Variants in RFX7 observed in about 807,000 individuals in gnomAD.
The protein encoded by RFX7 is DNA-binding protein RFX7.
Under a neutral mutation model 111.8 loss-of-function variants are expected in RFX7, and 26 were observed. The ratio of observed to expected loss-of-function variants is 0.23; its 90% confidence interval spans 0.17 to 0.32. RFX7 has a LOEUF of 0.32. RFX7 is among the 10% of genes least tolerant of loss of function. The probability of loss-of-function intolerance (pLI) is 1.00; values close to 1 mark genes in which losing one functional copy is unlikely to be tolerated. For synonymous variants in RFX7, 624 were observed against 624.4 expected (o/e 1.00, Z 0.01); for missense variants, 1,573 against 1,772.9 (o/e 0.89, Z 2.02).
At chr15:56,173,824 T>A (rs1372636717) in intron 3 of RFX7, among the ~76,000 whole-genome samples, 1 of 150,852 alleles carries the variant, frequency 6.6e-6, no homozygotes, top group Non-Finnish European at 1.5e-5. Context: ...ATGATAGAGA[T>A]AATACAATTA....
intron 2 of RFX7, among the ~76,000 whole-genome samples, chr15:56,207,535 T>G (rs1413920518): frequency 6.6e-6 from 1 of 152,144 alleles, no homozygotes; most frequent in Non-Finnish European, 1.5e-5. Flanking sequence ...GATCACAGAC[T>G]TAAATGTAAA....
At chr15:56,216,852 T>G (rs2043367336) in intron 2 of RFX7, among the ~76,000 whole-genome samples, 1 of 151,578 alleles carries the variant, frequency 6.6e-6, no homozygotes. Context: ...AGATAGGGTC[T>G]CGCTATGTTG....
intron 2 of RFX7, among the ~76,000 whole-genome samples, chr15:56,224,506 T>G (rs1297824265): frequency 1.3e-5 from 2 of 151,386 alleles, no homozygotes; most frequent in African/African-American, 4.9e-5. Flanking sequence ...CAGTTCTCTG[T>G]GTAAAACTGT....
In RFX7 at chr15:56,096,508, T is replaced by C; in HGVS notation, c.1220A>G (p.Gln407Arg). ...AACGTTCTGGGGAGTCTTTGGTGCC[T>C]GTTTCACAGACTGCATGTGCTGAGT... is the stretch of plus-strand genomic sequence containing the variant. ...VVTQHMQSVK[Q>R]APKTPQNVPA... The change falls in exon 10 of 10, where the codon CAG becomes CGG. Residue 407 changes from glutamine (Q) to arginine (R), a missense_variant. Physicochemically the swap from Gln to Arg is conservative, Grantham distance 43 (BLOSUM62 1). Around this residue, in one of 7 missense-constraint regions of RFX7, gnomAD observed 288 missense variants for 337.9 expected, o/e 0.85. Coordinates refer to ENST00000559447, the MANE Select transcript of RFX7 (RefSeq NM_022841.7). The C allele has an allele frequency of 6.2e-7, 1 of 1,604,108 alleles. No individual in the cohort carries two copies.
intron 5 of RFX7, among the ~76,000 whole-genome samples, chr15:56,139,379 C>A (rs2042354425): frequency 1.3e-5 from 2 of 152,198 alleles, no homozygotes; most frequent in Admixed American, 1.3e-4. Flanking sequence ...TCATCCATCG[C>A]TGATACTCTT....
In RFX7 at chr15:56,154,791, TA is replaced by T. The variant is rs1254950286; in HGVS notation, c.196-10309del. On this transcript the variant is annotated intron_variant, in intron 3 of 9. Transcript: ENST00000559447. ...CCAGAATTGACAAGTGAGATATAAT[TA>T]AAACTAAAGAGCTTCTGCACAGCAA... 6.7e-4 allele frequency among the ~76,000 whole-genome samples: 102 copies of T among 152,202 alleles called. 1 individual carries two copies. Among genetic ancestry groups the T allele is most frequent in the African/African-American group, 2.3e-3 (96 of 41,550 alleles).
Position 56,115,731 on chromosome 15 carries a change from G to T in RFX7, c.402-12061C>A, listed in dbSNP as rs551193376. ...AGGTGGGCAGATCATGAGATCAGGA[G>T]ATTGAGACCATCCTGGCTAAGACGG... On this transcript the variant is annotated intron_variant, in intron 5 of 9. Transcript: ENST00000559447. 7.2e-5 allele frequency among the ~76,000 whole-genome samples: 11 copies of T among 152,196 alleles called. No individual in the cohort carries two copies. In the South Asian group the frequency reaches 2.3e-3, roughly 32 times the overall value.
rs1464023242 is a variant in RFX7, at chr15:56,131,105, T to C, written c.401+11673A>G. ...CCCTGATATCAAAACCTGACAAAGATAGCATAAAAAAAAAAAGAAAATTAC... is the reference window on the plus strand; with the variant it reads ...CCCTGATATCAAAACCTGACAAAGACAGCATAAAAAAAAAAAGAAAATTAC... On this transcript the variant is annotated intron_variant, in intron 5 of 9. Coordinates refer to ENST00000559447, the MANE Select transcript of RFX7 (RefSeq NM_022841.7). Among the ~76,000 whole-genome samples, 6 of 146,900 alleles carry C rather than the reference T, an allele frequency of 4.1e-5. No homozygotes were observed. In the South Asian group the frequency reaches 1.2e-3, roughly 29 times the overall value.
chr15:56,118,075 ATATATATATATGGGG>A (rs1595939036), intron 5 of RFX7, among the ~76,000 whole-genome samples: 2 of 151,820 alleles, frequency 1.3e-5, no homozygotes, highest in South Asian at 2.1e-4. Flanking sequence ...TATATTAGGT[ATATATATATATGGGG>A]TATATGGGAT....
rs1456620986 is a variant in RFX7, at chr15:56,091,542, CT to C, written c.*1802del. On this transcript the variant is annotated 3_prime_UTR_variant, in exon 10 of 10. Transcript: ENST00000559447. ...CAAGGGATTAGAATGGCCTCAAAAT[CT>C]CCTTTTCAGAGTATCTCATAAAGAA... 1 of 152,410 alleles carries C rather than the reference CT, an allele frequency of 6.6e-6. No homozygotes were observed. Among genetic ancestry groups the C allele is most frequent in the East Asian group, 1.9e-4 (1 of 5,196 alleles). The allele number at this position is 152,410 out of a possible 1,614,324, so 9.4% of individuals were successfully genotyped here.
intron 2 of RFX7, chr15:56,192,375 G>A: frequency 4.3e-6 from 1 of 230,058 alleles, no homozygotes; most frequent in Non-Finnish European, 9.4e-6. Flanking sequence ...TCCTTCTCCA[G>A]ACTTCTTGCC....
intron 2 of RFX7, among the ~76,000 whole-genome samples, chr15:56,218,686 G>A (rs927949051): frequency 1.8e-4 from 28 of 152,092 alleles, no homozygotes; most frequent in African/African-American, 6.3e-4. Context: ...CAAAGAAGGC[G>A]ATAATCACCT....
intron 2 of RFX7, among the ~76,000 whole-genome samples, chr15:56,206,320 T>C (rs906419406): frequency 8.5e-5 from 13 of 152,144 alleles, no homozygotes; most frequent in Non-Finnish European, 1.0e-4. Flanking sequence ...TTATGCTAAG[T>C]AAAATAAGCC....
chr15:56,126,993 T>G (rs1345467915), intron 5 of RFX7, among the ~76,000 whole-genome samples: 1 of 152,132 alleles, frequency 6.6e-6, no homozygotes, highest in East Asian at 1.9e-4. Flanking sequence ...ATCAACACTA[T>G]AAACCAACTA....
chr15:56,180,684 T>C (rs1013633838), intron 2 of RFX7, among the ~76,000 whole-genome samples: 5 of 150,974 alleles, frequency 3.3e-5, no homozygotes, highest in African/African-American at 1.2e-4. Context: ...GGCAGGTGGA[T>C]TGCCTTGGCT....
At chr15:56,196,724 T>C (rs1481974084) in intron 2 of RFX7, among the ~76,000 whole-genome samples, 4 of 152,214 alleles carry the variant, frequency 2.6e-5, no homozygotes, top group Non-Finnish European at 5.9e-5. Flanking sequence ...TATTAAGCCA[T>C]CAAGTCTGTG....
At chr15:56,134,168 C>A (rs570933405) in intron 5 of RFX7, among the ~76,000 whole-genome samples, 1 of 152,252 alleles carries the variant, frequency 6.6e-6, no homozygotes, top group Admixed American at 6.5e-5. Context: ...AGTCTTAGAT[C>A]TGCCCCTCAC....
Position 56,095,811 on chromosome 15 carries a change from T to C in RFX7, c.1917A>G (p.Pro639=), listed in dbSNP as rs372605021. The C allele has an allele frequency of 1.9e-6, 3 of 1,611,922 alleles. No individual in the cohort carries two copies. In the East Asian group the frequency reaches 6.7e-5, roughly 36 times the overall value. Residue 639 remains proline (P), a synonymous_variant, in exon 10 of 10, where the codon CCA becomes CCG. Transcript: ENST00000559447. ...CTTTATTGATTGAGTCACCATTAGG[T>C]GGTGAGCTGCTGCTGGTGAAAGTTA... ...QNLTFTSSSS[P]PNGDSINKDP...
At chr15:56,115,754 C>T (rs556743342) in intron 5 of RFX7, among the ~76,000 whole-genome samples, 32 of 151,870 alleles carry the variant, frequency 2.1e-4, no homozygotes, top group Non-Finnish European at 4.0e-4. Flanking sequence ...CTGGCTAAGA[C>T]GGTGAAATCC....
Sources: gnomAD v4.1 joint callset for allele counts (sites outside exome capture counted in the v4.1 genomes callset) on GRCh38, gnomAD v4.1.1 for gene constraint, gnomAD v4.1.1 regional missense constraint, MANE v1.5 for transcripts, NCBI Gene and HGNC (gene_info 2026-07-23, HGNC 2026-07-21) for gene names.